PINX1: variants seen among roughly 807,000 people sequenced by gnomAD.
PINX1 encodes PIN2 (TERF1) interacting telomerase inhibitor 1.
In PINX1, 34 loss-of-function variants were observed where a neutral mutation model predicts 25.4. The observed-to-expected ratio is 1.34, with a 90% confidence interval of 1.02 to 1.78. The LOEUF (loss-of-function observed/expected upper bound fraction) is 1.78, where lower values mean the gene tolerates loss of function less well. Among genes scored for constraint, PINX1 ranks in the 40% most tolerant of loss-of-function variants. The pLI, the probability that PINX1 is intolerant of heterozygous loss-of-function variation, is 0.00. For missense variants in PINX1, 592 were observed against 404.9 expected (o/e 1.46, Z -3.97); for synonymous variants, 197 against 147.7 (o/e 1.33, Z -2.42).
At chr8:10,806,564 A>C (rs747513225) in intron 6 of PINX1, among the ~76,000 whole-genome samples, 15 of 152,152 alleles carry the variant, frequency 9.9e-5, no homozygotes, top group Admixed American at 2.0e-4. Flanking sequence ...TTTGAATTGA[A>C]AGGGTTTTCT....
intron 5 of PINX1, among the ~76,000 whole-genome samples, chr8:10,822,543 CTATT>C (rs1797910534): frequency 6.6e-6 from 1 of 152,164 alleles, no homozygotes; most frequent in African/African-American, 2.4e-5. Context: ...GAAGAACACT[CTATT>C]TAGGTTTGCT....
chr8:10,788,800 C>T (rs1463589931), intron 6 of PINX1, among the ~76,000 whole-genome samples: 4 of 152,116 alleles, frequency 2.6e-5, no homozygotes, highest in Non-Finnish European at 4.4e-5. Context: ...CCCATCTGTG[C>T]GCTGACTCAG....
At chr8:10,774,318 G>C (rs1801320449) in intron 6 of PINX1, among the ~76,000 whole-genome samples, 1 of 145,816 alleles carries the variant, frequency 6.9e-6, no homozygotes, top group Non-Finnish European at 1.5e-5. Flanking sequence ...TTTCACTCTT[G>C]TTGCCCAGGC....
At chr8:10,837,592 A>G (rs994797771) in intron 1 of PINX1, among the ~76,000 whole-genome samples, 1 of 152,218 alleles carries the variant, frequency 6.6e-6, no homozygotes, top group Non-Finnish European at 1.5e-5. Context: ...AATGCCCTGA[A>G]TCTGCAGAAT....
intron 1 of PINX1, among the ~76,000 whole-genome samples, chr8:10,837,284 A>G (rs1798432655): frequency 1.3e-5 from 2 of 152,298 alleles, no homozygotes; most frequent in Admixed American, 1.3e-4. Flanking sequence ...GCAACATTCC[A>G]TATTTGCTCT....
At chr8:10,772,240 G>T (rs890349101) in intron 6 of PINX1, among the ~76,000 whole-genome samples, 1 of 152,254 alleles carries the variant, frequency 6.6e-6, no homozygotes, top group Admixed American at 6.5e-5. Context: ...GCAGCCTCTG[G>T]TAGCAAGCTG....
At chr8:10,839,364 CCTT>C (rs1798499657) in intron 1 of PINX1, among the ~76,000 whole-genome samples, 1 of 152,244 alleles carries the variant, frequency 6.6e-6, no homozygotes, top group African/African-American at 2.4e-5. Context: ...TTCTGCTCAA[CCTT>C]CTCTTTTTAA....
At chr8:10,830,301 C>G (rs1798188931) in intron 4 of PINX1, among the ~76,000 whole-genome samples, 1 of 152,168 alleles carries the variant, frequency 6.6e-6, no homozygotes, top group Non-Finnish European at 1.5e-5. Context: ...AACAAAGCAC[C>G]TTTCCCTTCA....
intron 5 of PINX1, chr8:10,825,565 G>C (rs1798010991): frequency 2.2e-6 from 1 of 447,998 alleles, no homozygotes. Context: ...ATACTGGGAA[G>C]GGGCTAGGGA....
chr8:10,803,106 A>G (rs1802321815), intron 6 of PINX1, among the ~76,000 whole-genome samples: 1 of 152,236 alleles, frequency 6.6e-6, no homozygotes, highest in South Asian at 2.1e-4. Context: ...TGTGCAAAAA[A>G]TTTCAAATAT....
At chr8:10,804,690 A>G (rs1444951383) in intron 6 of PINX1, among the ~76,000 whole-genome samples, 1 of 152,110 alleles carries the variant, frequency 6.6e-6, no homozygotes, top group African/African-American at 2.4e-5. Flanking sequence ...AGGAATGAAA[A>G]AGCAAGATGA....
At chr8:10,790,938 A>G (rs2129076474) in intron 6 of PINX1, among the ~76,000 whole-genome samples, 1 of 152,244 alleles carries the variant, frequency 6.6e-6, no homozygotes, top group South Asian at 2.1e-4. Flanking sequence ...ATTGAGACAG[A>G]GTATCCCACC....
chr8:10,834,565 C>T (rs897316408), intron 2 of PINX1, 101 bp downstream of exon 2: 18 of 1,457,128 alleles, frequency 1.2e-5, no homozygotes, highest in South Asian at 8.7e-5. Flanking sequence ...ACTTACTGAT[C>T]CAAAGCATAA....
chr8:10,831,096 G>A (rs187402043), intron 4 of PINX1, among the ~76,000 whole-genome samples: 23 of 152,318 alleles, frequency 1.5e-4, no homozygotes, highest in Middle Eastern at 3.4e-3. Context: ...TACACACCAC[G>A]GAATACTATT....
At position 10,820,943 on chromosome 8, in the gene PINX1, T is replaced by C. The variant is rs530487606; in HGVS notation, c.395-674A>G. Among the ~76,000 whole-genome samples the C allele has an allele frequency of 3.9e-5, 6 of 152,362 alleles. No homozygotes were observed. The East Asian group carries it at 9.6e-4, about 24-fold the overall frequency. Reference sequence around the variant, plus strand: ...AAATTAAATGGCTCTATGGTTCTTATTTAAAACACTAAACTCTTTAATTTC... The same window carrying C: ...AAATTAAATGGCTCTATGGTTCTTACTTAAAACACTAAACTCTTTAATTTC... On this transcript the variant is annotated intron_variant, in intron 5 of 6. Coordinates refer to ENST00000314787, the MANE Select transcript of PINX1 (RefSeq NM_017884.6).
chr8:10,823,191 G>C (rs1278048162), intron 5 of PINX1, among the ~76,000 whole-genome samples: 1 of 152,206 alleles, frequency 6.6e-6, no homozygotes, highest in African/African-American at 2.4e-5. Context: ...TGACTGCGCT[G>C]TGAATACCAA....
intron 6 of PINX1, among the ~76,000 whole-genome samples, chr8:10,818,258 C>A (rs1447246784): frequency 6.6e-6 from 1 of 152,172 alleles, no homozygotes; most frequent in Non-Finnish European, 1.5e-5. Flanking sequence ...CACACTGGAC[C>A]AAAAGAGATT....
At chr8:10,767,647 A>C (rs1211716981) in intron 6 of PINX1, among the ~76,000 whole-genome samples, 5 of 152,248 alleles carry the variant, frequency 3.3e-5, no homozygotes, top group Non-Finnish European at 7.3e-5. Context: ...GGATCTTCTC[A>C]AGGCTCTCCC....
chr8:10,796,658 T>G lies in PINX1; in HGVS notation c.471+23535A>C, dbSNP rs10088387. Among the ~76,000 whole-genome samples, 1,274 of 152,204 alleles carry G rather than the reference T, an allele frequency of 8.4e-3. 17 individuals are homozygous for G. The highest frequency in any genetic ancestry group is 0.029 in the African/African-American group (1,201 of 41,526). On this transcript the variant is annotated intron_variant, in intron 6 of 6. Coordinates refer to ENST00000314787, the MANE Select transcript of PINX1 (RefSeq NM_017884.6). ...GACAGGTGATAAGAATCCATTACTC[T>G]GCCCACATTTTTTATCTGCGATTTT...
Sources: allele counts gnomAD v4.1 joint callset (sites outside exome capture counted in the v4.1 genomes callset), GRCh38; gene constraint gnomAD v4.1.1; transcripts MANE v1.5; gene names NCBI Gene and HGNC (gene_info 2026-07-23, HGNC 2026-07-21).